Variants in CFAP61 observed in about 807,000 individuals in gnomAD.
The protein encoded by CFAP61 is cilia- and flagella-associated protein 61.
A neutral mutation model predicts 135.6 loss-of-function variants in CFAP61; 107 were observed. The observed-to-expected ratio is 0.79, with a 90% CI of 0.67 to 0.93. CFAP61 has a LOEUF of 0.93. Ranked by LOEUF, CFAP61 falls within the 40% of genes least tolerant of loss-of-function variation. CFAP61 has a pLI of 0.00. For missense variants in CFAP61, 1,507 were observed against 1,556.2 expected, an observed-to-expected ratio of 0.97 and a Z score of 0.53; for synonymous variants, 575 against 578.5, an observed-to-expected ratio of 0.99 and a Z score of 0.09.
At chr20:20,112,668 C>T (rs558813503) in intron 8 of CFAP61, among the ~76,000 whole-genome samples, 9 of 152,256 alleles carry the variant, frequency 5.9e-5, no homozygotes, top group African/African-American at 2.2e-4. Context: ...GCCGTATTTT[C>T]AGGAGGCTCT....
chr20:20,285,827 A>G (rs1029930811), intron 22 of CFAP61, among the ~76,000 whole-genome samples: 7 of 151,784 alleles, frequency 4.6e-5, no homozygotes, highest in African/African-American at 1.7e-4. Flanking sequence ...GGGCTGAGGC[A>G]GAAGGATTCC....
Position 20,191,414 on chromosome 20 carries a change from G to T in CFAP61, c.1585G>T (p.Glu529Ter). 6.2e-7 allele frequency: 1 copy of T among 1,606,632 alleles called. No individual in the cohort carries two copies. The highest frequency in any genetic ancestry group is 8.5e-7 in the Non-Finnish European group (1 of 1,174,710). The change falls in exon 15 of 27, where the codon GAA becomes TAA. Residue 529 changes from glutamate to a stop codon, truncating the protein, a stop_gained. Transcript: ENST00000245957. LOFTEE classifies it high-confidence loss of function. ...AGTTGGTATTGCAGTGATCAGAAATGAAATGGTAAATTGTGAAGTGGATAT... is the reference window on the plus strand; with the variant it reads ...AGTTGGTATTGCAGTGATCAGAAATTAAATGGTAAATTGTGAAGTGGATAT... ...QIVGIAVIRN[E>*]MDIEYIRSHY...
intron 21 of CFAP61, among the ~76,000 whole-genome samples, chr20:20,266,469 C>A (rs1384340486): frequency 6.6e-6 from 1 of 152,158 alleles, no homozygotes; most frequent in Non-Finnish European, 1.5e-5. Flanking sequence ...ATAGTAAATG[C>A]AAAATAAATG....
intron 8 of CFAP61, among the ~76,000 whole-genome samples, chr20:20,106,806 GT>G (rs1248963723): frequency 6.6e-6 from 1 of 152,044 alleles, no homozygotes; most frequent in African/African-American, 2.4e-5. Context: ...GTTTGTTGTT[GT>G]TTTCCATTTT....
chr20:20,263,189 C>G (rs764430456), intron 21 of CFAP61, 59 bp downstream of exon 21: 66 of 1,283,750 alleles, frequency 5.1e-5, no homozygotes, highest in Non-Finnish European at 6.2e-5. Flanking sequence ...TATAATGAGT[C>G]TCATTCTTCA....
intron 25 of CFAP61, among the ~76,000 whole-genome samples, chr20:20,319,543 C>T (rs892403644): frequency 6.6e-6 from 1 of 152,220 alleles, no homozygotes; most frequent in African/African-American, 2.4e-5. Context: ...CTCCCCTTCT[C>T]TCTTCCTCCT....
chr20:20,089,810 G>A (rs2047059970), intron 6 of CFAP61, among the ~76,000 whole-genome samples: 1 of 152,186 alleles, frequency 6.6e-6, no homozygotes, highest in Non-Finnish European at 1.5e-5. Context: ...AGGGTCCTGA[G>A]AATGGAAGCG....
intron 13 of CFAP61, among the ~76,000 whole-genome samples, chr20:20,184,267 T>G (rs1470608833): frequency 6.6e-6 from 1 of 152,190 alleles, no homozygotes; most frequent in South Asian, 2.1e-4. Context: ...ATGGGGAAGC[T>G]CTCTGGCTAT....
At chr20:20,318,128 C>G (rs2057244457) in intron 25 of CFAP61, among the ~76,000 whole-genome samples, 1 of 152,138 alleles carries the variant, frequency 6.6e-6, no homozygotes, top group African/African-American at 2.4e-5. Flanking sequence ...GACAGATCTG[C>G]AAGTGGATCT....
chr20:20,324,583 C>G (rs2122269268), intron 25 of CFAP61, among the ~76,000 whole-genome samples: 1 of 152,262 alleles, frequency 6.6e-6, no homozygotes, highest in Non-Finnish European at 1.5e-5. Context: ...GAACATATAT[C>G]TCTGTGTGCA....
intron 9 of CFAP61, among the ~76,000 whole-genome samples, chr20:20,143,321 C>T (rs545690657): frequency 1.3e-5 from 2 of 152,270 alleles, no homozygotes; most frequent in East Asian, 3.9e-4. Flanking sequence ...CAGCATTTTC[C>T]TTACTGCCCT....
At chr20:20,274,379 G>A (rs1287826889) in intron 21 of CFAP61, among the ~76,000 whole-genome samples, 1 of 152,160 alleles carries the variant, frequency 6.6e-6, no homozygotes, top group Non-Finnish European at 1.5e-5. Context: ...CAAGAAATTG[G>A]GCCAGATGCA....
chr20:20,057,496 T>C (rs528266572), intron 2 of CFAP61, among the ~76,000 whole-genome samples: 1 of 152,326 alleles, frequency 6.6e-6, no homozygotes, highest in African/African-American at 2.4e-5. Context: ...GCCACTATCA[T>C]GTCCATCTCA....
At position 20,303,685 on chromosome 20, in the gene CFAP61, C is replaced by T. The variant is rs544432052; in HGVS notation, c.3422+5299C>T. On this transcript the variant is annotated intron_variant, in intron 25 of 26. Coordinates refer to ENST00000245957, the MANE Select transcript of CFAP61 (RefSeq NM_015585.4). ...GCTGATTTTGGCCGCGATATGATTACCGATTGATTTCCTGACCTTGGCAGC... is the reference window on the plus strand; with the variant it reads ...GCTGATTTTGGCCGCGATATGATTATCGATTGATTTCCTGACCTTGGCAGC... Among the ~76,000 whole-genome samples the T allele has an allele frequency of 3.1e-4, 47 of 152,252 alleles. No individual in the cohort carries two copies. The South Asian group carries it at 9.7e-3, about 32-fold the overall frequency.
rs1287073408 is a variant in CFAP61 at position 20,098,684 on chromosome 20, T to C, written c.729T>C (p.Ser243=). The part of the protein sequence containing the change: ...EVEGTAVGFM[S]VCSRVNMQLL... Reference sequence around the variant, plus strand: ...AAGGCACAGCTGTTGGGTTCATGAGTGTGTGCTCAAGAGTGAACATGCAAC... The same window carrying C: ...AAGGCACAGCTGTTGGGTTCATGAGCGTGTGCTCAAGAGTGAACATGCAAC... The change falls in exon 8 of 27, where the codon AGT becomes AGC. Residue 243 remains serine (S), a synonymous_variant. Transcript: ENST00000245957. The C allele has an allele frequency of 1.5e-5, 24 of 1,611,938 alleles. No individual in the cohort carries two copies. Among genetic ancestry groups the C allele is most frequent in the Non-Finnish European group, 1.9e-5 (23 of 1,179,630 alleles).
At chr20:20,196,463 G>A (rs745561273) in intron 15 of CFAP61, 107 bp from the exon 16 acceptor site, 11 of 801,160 alleles carry the variant, frequency 1.4e-5, no homozygotes, top group South Asian at 1.3e-4. Context: ...AGAAAAATAC[G>A]TTTCTTACTA....
intron 6 of CFAP61, among the ~76,000 whole-genome samples, chr20:20,077,880 T>C (rs2046167008): frequency 1.3e-5 from 2 of 152,184 alleles, no homozygotes; most frequent in African/African-American, 4.8e-5. Context: ...AGAGAATAGA[T>C]TGTAAATCTT....
intron 25 of CFAP61, among the ~76,000 whole-genome samples, chr20:20,307,520 A>G (rs764085425): frequency 6.6e-6 from 1 of 152,206 alleles, no homozygotes; most frequent in Non-Finnish European, 1.5e-5. Flanking sequence ...GGAGAGACAG[A>G]AACACTTCCA....
intron 26 of CFAP61, among the ~76,000 whole-genome samples, chr20:20,342,156 A>G (rs866151214): frequency 3.5e-4 from 53 of 152,322 alleles, no homozygotes; most frequent in African/African-American, 1.1e-3. Context: ...TTTTTTAAAG[A>G]ACTGTATTTT....
Sources: gnomAD v4.1 joint callset for allele counts (sites outside exome capture counted in the v4.1 genomes callset) on GRCh38, gnomAD v4.1.1 for gene constraint, MANE v1.5 for transcripts, NCBI Gene and HGNC (gene_info 2026-07-23, HGNC 2026-07-21) for gene names.